RSRC1: variants seen among roughly 807,000 people sequenced by gnomAD.
RSRC1 encodes arginine and serine rich coiled-coil 1.
Under a neutral mutation model 49.1 loss-of-function variants are expected in RSRC1, and 39 were observed. The observed-to-expected ratio is 0.79, with a 90% CI of 0.61 to 1.04. The LOEUF (loss-of-function observed/expected upper bound fraction) is 1.04. Among genes scored for constraint, RSRC1 ranks in the 50% least tolerant of loss-of-function variants. The probability of loss-of-function intolerance (pLI) is 0.00; values close to 1 mark genes in which losing one functional copy is unlikely to be tolerated. For synonymous variants in RSRC1, 143 were observed against 130.8 expected, an observed-to-expected ratio of 1.09 and a Z score of -0.63; for missense variants, 388 against 402.4, an observed-to-expected ratio of 0.96 and a Z score of 0.31.
chr3:158,281,048 G>C (rs749309604), intron 4 of RSRC1, among the ~76,000 whole-genome samples: 1 of 152,132 alleles, frequency 6.6e-6, no homozygotes, highest in Non-Finnish European at 1.5e-5. Context: ...ACAGAATTAA[G>C]AAAGACTAGG....
chr3:158,457,764 AAT>A, intron 6 of RSRC1, among the ~76,000 whole-genome samples: 1 of 109,678 alleles, frequency 9.1e-6, no homozygotes, highest in South Asian at 2.7e-4. Context: ...TTTGTTTTTT[AAT>A]ATATATATGG....
intron 3 of RSRC1, among the ~76,000 whole-genome samples, chr3:158,182,521 C>T (rs868077658): frequency 3.3e-5 from 5 of 152,144 alleles, no homozygotes; most frequent in South Asian, 2.1e-4. Context: ...TCTTGGTGTT[C>T]TGGGCTCTTT....
chr3:158,273,668 T>C lies in RSRC1; in HGVS notation c.495-24371T>C, dbSNP rs565470012. On this transcript the variant is annotated intron_variant, in intron 4 of 9. Transcript: ENST00000611884. ...TGAAAATGTCAGTGTGTTTATAAGG[T>C]CTGATTAATTGGATTGGTAAGCATC... 2.6e-5 allele frequency among the ~76,000 whole-genome samples: 4 copies of C among 152,236 alleles called. No individual in the cohort carries two copies. The South Asian group carries it at 8.3e-4, about 32-fold the overall frequency.
chr3:158,394,237 C>G (rs1733484782), intron 6 of RSRC1, among the ~76,000 whole-genome samples: 1 of 152,046 alleles, frequency 6.6e-6, no homozygotes, highest in South Asian at 2.1e-4. Context: ...CTCTTGAGAA[C>G]CAGCACAAGA....
chr3:158,376,341 T>G (rs1253650128), intron 6 of RSRC1, among the ~76,000 whole-genome samples: 1 of 151,934 alleles, frequency 6.6e-6, no homozygotes, highest in East Asian at 1.9e-4. Flanking sequence ...TGTAAATTTT[T>G]TGTAGAGACG....
chr3:158,370,504 A>G (rs1484310876), intron 6 of RSRC1, among the ~76,000 whole-genome samples: 1 of 151,942 alleles, frequency 6.6e-6, no homozygotes, highest in African/African-American at 2.4e-5. Context: ...AAATGGAATC[A>G]TATAGTATGT....
chr3:158,318,168 C>T (rs1161445008), intron 5 of RSRC1, among the ~76,000 whole-genome samples: 1 of 151,994 alleles, frequency 6.6e-6, no homozygotes, highest in Non-Finnish European at 1.5e-5. Flanking sequence ...ATTGACAACC[C>T]CTGCCCTGGA....
At chr3:158,302,086 A>G (rs1321172467) in intron 5 of RSRC1, among the ~76,000 whole-genome samples, 1 of 147,244 alleles carries the variant, frequency 6.8e-6, no homozygotes, top group Non-Finnish European at 1.5e-5. Context: ...TATATCCTGG[A>G]AAAATTACTG....
At chr3:158,457,733 T>C (rs1737408119) in intron 6 of RSRC1, among the ~76,000 whole-genome samples, 1 of 73,406 alleles carries the variant, frequency 1.4e-5, no homozygotes, top group African/African-American at 5.2e-5. Context: ...GTTTTGTGTT[T>C]TTTTTTGTTT....
intron 3 of RSRC1, among the ~76,000 whole-genome samples, chr3:158,180,873 C>T (rs948269539): frequency 4.2e-5 from 6 of 144,140 alleles, no homozygotes; most frequent in Admixed American, 2.9e-4. Flanking sequence ...GGCGCAATCT[C>T]GGCTTACTGC....
intron 6 of RSRC1, among the ~76,000 whole-genome samples, chr3:158,377,702 C>G (rs1050744546): frequency 1.3e-5 from 2 of 151,724 alleles, no homozygotes; most frequent in African/African-American, 4.8e-5. Context: ...GTCAGTCACC[C>G]AGGCTGGAGT....
intron 5 of RSRC1, among the ~76,000 whole-genome samples, chr3:158,310,347 G>A (rs1728059974): frequency 6.6e-6 from 1 of 151,648 alleles, no homozygotes; most frequent in Non-Finnish European, 1.5e-5. Context: ...TTTTGGGGAA[G>A]GCTCTTTTAG....
chr3:158,225,711 A>T, intron 4 of RSRC1: 1 of 453,332 alleles, frequency 2.2e-6, no homozygotes, highest in Non-Finnish European at 4.4e-6. Context: ...ACAGGAAGAG[A>T]AAAGTTTTAG....
At chr3:158,152,576 ATTC>A (rs1717610114) in intron 3 of RSRC1, among the ~76,000 whole-genome samples, 1 of 152,164 alleles carries the variant, frequency 6.6e-6, no homozygotes. Context: ...TCCCATCAGT[ATTC>A]TCTTGGAATG....
chr3:158,480,940 C>G (rs1470629524), intron 7 of RSRC1, among the ~76,000 whole-genome samples: 1 of 151,988 alleles, frequency 6.6e-6, no homozygotes, highest in Non-Finnish European at 1.5e-5. Flanking sequence ...GGAATAGTGA[C>G]TCTTGATACT....
chr3:158,123,793 T>A, intron 2 of RSRC1, 73 bp from the exon 3 acceptor site: 1 of 1,367,508 alleles, frequency 7.3e-7, no homozygotes, highest in Non-Finnish European at 1.0e-6. Flanking sequence ...TTCTTTAGAA[T>A]CTAGAAGGTT....
intron 4 of RSRC1, among the ~76,000 whole-genome samples, chr3:158,237,198 G>A (rs996882347): frequency 1.3e-5 from 2 of 152,132 alleles, no homozygotes; most frequent in Non-Finnish European, 2.9e-5. Flanking sequence ...TGCTACCATG[G>A]ACTGTCTTAT....
At chr3:158,292,742 G>A (rs184060539) in intron 4 of RSRC1, among the ~76,000 whole-genome samples, 3 of 152,178 alleles carry the variant, frequency 2.0e-5, no homozygotes, top group Non-Finnish European at 2.9e-5. Context: ...TAAGACTTTT[G>A]TGTTTAAATA....
At chr3:158,509,803 A>G (rs918039837) in intron 7 of RSRC1, among the ~76,000 whole-genome samples, 4 of 152,086 alleles carry the variant, frequency 2.6e-5, no homozygotes, top group Non-Finnish European at 4.4e-5. Flanking sequence ...ATAATATTCT[A>G]TTTTTAGACT....
Sources: allele counts gnomAD v4.1 joint callset (sites outside exome capture counted in the v4.1 genomes callset), GRCh38; gene constraint gnomAD v4.1.1; transcripts MANE v1.5; gene names NCBI Gene and HGNC (gene_info 2026-07-23, HGNC 2026-07-21).